ADAM12: variants seen among roughly 807,000 people sequenced by gnomAD.
ADAM12 encodes the protein ADAM metallopeptidase domain 12.
In ADAM12, 70 loss-of-function variants were observed where a neutral mutation model predicts 106.4. The ratio of observed to expected loss-of-function variants is 0.66; its 90% CI spans 0.54 to 0.80. ADAM12 has a LOEUF of 0.80. Among genes scored for constraint, ADAM12 ranks in the 30% least tolerant of loss-of-function variants. The probability of loss-of-function intolerance (pLI) is 0.00; values close to 1 mark genes in which losing one functional copy is unlikely to be tolerated. For missense variants in ADAM12, 1,010 were observed against 1,171.9 expected (o/e 0.86, Z 2.02); for synonymous variants, 420 against 433.5 (o/e 0.97, Z 0.39).
intron 3 of ADAM12, among the ~76,000 whole-genome samples, chr10:126,206,361 G>A (rs1486382141): frequency 3.9e-5 from 6 of 152,164 alleles, no homozygotes; most frequent in African/African-American, 7.2e-5. Flanking sequence ...ACTCAGGTGG[G>A]ACACTATCCT....
chr10:126,163,536 A>AT (rs1956973020), intron 3 of ADAM12, among the ~76,000 whole-genome samples: 1 of 152,224 alleles, frequency 6.6e-6, no homozygotes, highest in Admixed American at 6.5e-5. Flanking sequence ...AATGACCTCC[A>AT]AATTGCTTTC....
chr10:126,167,868 T>C (rs890790833), intron 3 of ADAM12, among the ~76,000 whole-genome samples: 11 of 152,182 alleles, frequency 7.2e-5, no homozygotes, highest in Non-Finnish European at 1.5e-4. Flanking sequence ...AGTTGGTATA[T>C]GGCCATTTTA....
intron 2 of ADAM12, among the ~76,000 whole-genome samples, chr10:126,288,228 G>A (rs898551426): frequency 2.0e-5 from 3 of 152,290 alleles, no homozygotes; most frequent in South Asian, 2.1e-4. Context: ...GGAAACCCTG[G>A]ACTTTGAAAA....
chr10:126,108,789 G>T, intron 7 of ADAM12, 125 bp from the exon 8 acceptor site: 2 of 811,818 alleles, frequency 2.5e-6, no homozygotes, highest in Non-Finnish European at 2.0e-6. Flanking sequence ...ACAGTTCACG[G>T]TAAAATGAGC....
chr10:126,215,853 G>A (rs1187058032), intron 3 of ADAM12, among the ~76,000 whole-genome samples: 6 of 152,202 alleles, frequency 3.9e-5, no homozygotes, highest in African/African-American at 1.4e-4. Flanking sequence ...TGTTAGCCAA[G>A]GTTCATGGTA....
intron 3 of ADAM12, among the ~76,000 whole-genome samples, chr10:126,160,940 T>C (rs1042018506): frequency 6.6e-6 from 1 of 152,224 alleles, no homozygotes; most frequent in Non-Finnish European, 1.5e-5. Context: ...TGGCTTTTCA[T>C]GTAGCCAGCA....
intron 3 of ADAM12, among the ~76,000 whole-genome samples, chr10:126,243,106 G>A (rs112618188): frequency 0.011 from 1,609 of 152,298 alleles, 15 homozygotes; most frequent in African/African-American, 0.027. Context: ...TGTGATGGCT[G>A]CATCGTGTTG....
At chr10:126,376,949 T>C (rs1470886825) in intron 1 of ADAM12, among the ~76,000 whole-genome samples, 3 of 152,226 alleles carry the variant, frequency 2.0e-5, no homozygotes, top group African/African-American at 7.2e-5. Context: ...GTAGATATGA[T>C]CTTTATCACC....
intron 1 of ADAM12, among the ~76,000 whole-genome samples, chr10:126,367,046 G>A (rs566280216): frequency 1.1e-4 from 17 of 151,784 alleles, no homozygotes; most frequent in African/African-American, 4.1e-4. Context: ...AGCTTAATAT[G>A]AGATTTGATA....
intron 3 of ADAM12, among the ~76,000 whole-genome samples, chr10:126,226,698 T>A (rs1958203728): frequency 1.3e-5 from 2 of 152,188 alleles, no homozygotes; most frequent in African/African-American, 4.8e-5. Flanking sequence ...TAGTAAGTGT[T>A]CAGTAATTGA....
chr10:126,095,272 C>T (rs898685911), intron 10 of ADAM12, among the ~76,000 whole-genome samples: 3 of 151,708 alleles, frequency 2.0e-5, no homozygotes, highest in African/African-American at 7.3e-5. Context: ...CAGTGGCTCA[C>T]GCCTGTAATC....
chr10:126,348,218 C>T (rs1590810909), intron 1 of ADAM12, among the ~76,000 whole-genome samples: 1 of 152,144 alleles, frequency 6.6e-6, no homozygotes, highest in Admixed American at 6.5e-5. Flanking sequence ...AGTTAGACTG[C>T]ATCCTGCCTA....
chr10:126,248,751 G>A (rs1958683665), intron 3 of ADAM12, among the ~76,000 whole-genome samples: 1 of 151,762 alleles, frequency 6.6e-6, no homozygotes, highest in African/African-American at 2.4e-5. Context: ...TGTCGCCCAG[G>A]CTGAAGTGCA....
chr10:126,118,284 C>A, intron 5 of ADAM12, 60 bp from the exon 6 acceptor site: 1 of 1,231,812 alleles, frequency 8.1e-7, no homozygotes, highest in South Asian at 1.4e-5. Context: ...TGTTTATGGC[C>A]AAGACACAGT....
chr10:126,265,418 C>A (rs1412677104), intron 3 of ADAM12, among the ~76,000 whole-genome samples: 2 of 152,160 alleles, frequency 1.3e-5, no homozygotes, highest in African/African-American at 4.8e-5. Flanking sequence ...TTAATGGCCA[C>A]TGAACCTGGT....
intron 22 of ADAM12, 37 bp downstream of exon 22, chr10:126,019,658 G>C: frequency 6.2e-7 from 1 of 1,602,812 alleles, no homozygotes; most frequent in Non-Finnish European, 8.5e-7. Context: ...ACAAGAGTTT[G>C]AGAGAGAAAG....
intron 3 of ADAM12, among the ~76,000 whole-genome samples, chr10:126,220,734 T>C (rs942290719): frequency 6.6e-6 from 1 of 152,230 alleles, no homozygotes; most frequent in Non-Finnish European, 1.5e-5. Context: ...TAATTGGCTT[T>C]GAAAGTCTTA....
chr10:126,170,581 A>G (rs11592681), intron 3 of ADAM12, among the ~76,000 whole-genome samples: 14,940 of 152,110 alleles, frequency 0.098, 762 homozygotes, highest in Non-Finnish European at 0.12. Context: ...AAAAAAAGCC[A>G]TGGGTTGTGC....
Position 126,388,174 on chromosome 10 carries a change from C to T in ADAM12, c.-29G>A, listed in dbSNP as rs1207443506. On this transcript the variant is annotated 5_prime_UTR_variant, in exon 1 of 23. Coordinates refer to ENST00000448723, the MANE Select transcript of ADAM12 (RefSeq NM_001288973.2). This position sits in a 1 kb window ranked among gnomAD's most constrained non-coding sequence, Gnocchi z 4.4. ...CGCCGGCCTTCAGTGCAGCAGCTCT[C>T]GGGCCCGGCGGCGAGCGCTGCACCA... The T allele has an allele frequency of 1.7e-6, 2 of 1,203,852 alleles. No individual in the cohort carries two copies. The highest frequency in any genetic ancestry group is 2.1e-6 in the Non-Finnish European group (2 of 969,938). 74.6% of individuals were successfully genotyped at this position (1,203,852 alleles called of 1,614,324 possible).
Sources: gnomAD v4.1 joint callset for allele counts (sites outside exome capture counted in the v4.1 genomes callset) on GRCh38, gnomAD v4.1.1 for gene constraint, Gnocchi (gnomAD v3.1) non-coding constraint, MANE v1.5 for transcripts, NCBI Gene and HGNC (gene_info 2026-07-23, HGNC 2026-07-21) for gene names.